AMZ1: variants seen among roughly 807,000 people sequenced by gnomAD.
AMZ1 encodes the protein archaemetzincin-1.
In AMZ1, 39 loss-of-function variants were observed where a neutral mutation model predicts 29.9. The observed-to-expected ratio is 1.30, with a 90% CI of 1.01 to 1.70. The LOEUF (loss-of-function observed/expected upper bound fraction) is 1.70, where lower values mean the gene tolerates loss of function less well. Among genes scored for constraint, AMZ1 ranks in the 40% most tolerant of loss-of-function variants. AMZ1 has a pLI of 0.00. For synonymous variants in AMZ1, 458 were observed against 304.0 expected, an observed-to-expected ratio of 1.51 and a Z score of -5.27; for missense variants, 1,041 against 680.6, an observed-to-expected ratio of 1.53 and a Z score of -5.89.
At chr7:2,757,270 G>A (rs1287839469) in intron 4 of AMZ1, among the ~76,000 whole-genome samples, 2 of 48 alleles carry the variant, frequency 0.042, no homozygotes, top group African/African-American at 0.062. Context: ...CAAGTAGCTG[G>A]GACCGCAGCG....
downstream of AMZ1, among the ~76,000 whole-genome samples, chr7:2,720,108 G>T (rs752094745): frequency 1.4e-4 from 21 of 152,258 alleles, no homozygotes; most frequent in Non-Finnish European, 2.1e-4. Flanking sequence ...GAGCCGACGG[G>T]AACCTACCGA....
At chr7:2,752,661 C>T (rs1263052359) in intron 4 of AMZ1, among the ~76,000 whole-genome samples, 1 of 152,174 alleles carries the variant, frequency 6.6e-6, no homozygotes, top group Non-Finnish European at 1.5e-5. Flanking sequence ...CTGCCAATAA[C>T]CCAATGGAAT....
At chr7:2,704,177 C>T (rs1562367622) in intron 3 of AMZ1, among the ~76,000 whole-genome samples, 1 of 152,200 alleles carries the variant, frequency 6.6e-6, no homozygotes, top group Non-Finnish European at 1.5e-5. Flanking sequence ...GCGTGAGCCA[C>T]TGTGCCTGGC....
intron 4 of AMZ1, among the ~76,000 whole-genome samples, chr7:2,739,074 T>A (rs191961945): frequency 6.6e-6 from 1 of 152,228 alleles, no homozygotes; most frequent in Non-Finnish European, 1.5e-5. Flanking sequence ...CCGCAGGGTG[T>A]GTCCTCGGCG....
At chr7:2,709,002 G>T in intron 4 of AMZ1, 73 bp from the exon 5 acceptor site, 2 of 1,479,738 alleles carry the variant, frequency 1.4e-6, no homozygotes, top group South Asian at 2.7e-5. Flanking sequence ...GAGAGCATGA[G>T]GTGGGTTTGA....
chr7:2,700,317 C>T lies in AMZ1; in HGVS notation c.-135C>T, dbSNP rs868343642. Reference sequence around the variant, plus strand: ...GCCTTAAGGGCCCTTGGACCAGTGTCTGTCTGCAGGGAGCCCCCGGTAGCC... The same window carrying T: ...GCCTTAAGGGCCCTTGGACCAGTGTTTGTCTGCAGGGAGCCCCCGGTAGCC... On this transcript the variant is annotated 5_prime_UTR_variant, in exon 2 of 7. Transcript: ENST00000683327. The T allele has an allele frequency of 4.0e-5, 41 of 1,020,050 alleles. No individual in the cohort carries two copies. The African/African-American group carries it at 4.9e-4, about 12-fold the overall frequency. 63.2% of individuals were successfully genotyped at this position (1,020,050 alleles called of 1,614,324 possible). A position where few individuals can be genotyped will look rare whatever the true frequency, so the allele number is the denominator to read the frequency against.
chr7:2,695,973 G>C (rs1266035160), intron 1 of AMZ1, among the ~76,000 whole-genome samples: 9 of 148,416 alleles, frequency 6.1e-5, no homozygotes, highest in Non-Finnish European at 1.3e-4. Context: ...AGTGCCATTG[G>C]ACTCCAGCCT....
chr7:2,725,266 C>T (rs959029712), intron 4 of AMZ1, among the ~76,000 whole-genome samples: 2 of 152,196 alleles, frequency 1.3e-5, no homozygotes, highest in Non-Finnish European at 2.9e-5. Flanking sequence ...ATGGCCATGG[C>T]CTGCGGTAGG....
chr7:2,756,493 T>C (rs1335373389), intron 4 of AMZ1, among the ~76,000 whole-genome samples: 2 of 152,068 alleles, frequency 1.3e-5, no homozygotes, highest in Non-Finnish European at 2.9e-5. Context: ...CACACGCCTA[T>C]AGTCCCAGCT....
chr7:2,695,014 T>C (rs1787622681), intron 1 of AMZ1, among the ~76,000 whole-genome samples: 1 of 152,170 alleles, frequency 6.6e-6, no homozygotes, highest in African/African-American at 2.4e-5. Flanking sequence ...AACCCGTGCG[T>C]TCACCTGCCC....
intron 4 of AMZ1, among the ~76,000 whole-genome samples, chr7:2,756,315 C>T (rs932791392): frequency 2.0e-5 from 3 of 152,088 alleles, no homozygotes; most frequent in African/African-American, 7.2e-5. Flanking sequence ...TAACTATGTC[C>T]TATATAAATC....
In AMZ1 at chr7:2,734,977, G is replaced by C. The variant is rs565527590; in HGVS notation, n.550+25161G>C. Among the ~76,000 whole-genome samples the C allele has an allele frequency of 4.3e-3, 660 of 152,322 alleles. 5 individuals carry two copies. The highest frequency in any genetic ancestry group is 0.015 in the African/African-American group (628 of 41,582). ...TCTCCCTTCCTCGCCAAGCCCCCGT[G>C]ATGTGGGAAGCCAGCGTGAGGCCGG... is the stretch of plus-strand genomic sequence containing the variant. On this transcript the variant is annotated intron_variant and non_coding_transcript_variant, in intron 4 of 4. Coordinates refer to the AMZ1 transcript ENST00000489665.
At chr7:2,727,611 C>G (rs1275319214) in intron 4 of AMZ1, among the ~76,000 whole-genome samples, 1 of 152,198 alleles carries the variant, frequency 6.6e-6, no homozygotes, top group African/African-American at 2.4e-5. Context: ...AAGCAATTCT[C>G]CCACCTTGGC....
rs933875391 is a variant in AMZ1, at chr7:2,712,736, A to G, written c.1355A>G (p.Gln452Arg). 1 of 1,607,018 alleles carries G rather than the reference A, an allele frequency of 6.2e-7. No homozygotes were observed. Among genetic ancestry groups the G allele is most frequent in the Admixed American group, 1.7e-5 (1 of 59,642 alleles). ...MFTGQLPATR[Q>R]DPPSSRDSVG... ...ACGGGCCAGCTCCCGGCCACCAGGC[A>G]GGACCCACCCAGCAGCAGGGACAGC... Residue 452 changes from glutamine (Q) to arginine (R), a missense_variant, in exon 7 of 7, where the codon CAG becomes CGG. Transcript: ENST00000683327.
intron 4 of AMZ1, among the ~76,000 whole-genome samples, chr7:2,741,882 T>C (rs1790524796): frequency 6.6e-6 from 1 of 150,930 alleles, no homozygotes; most frequent in Admixed American, 6.6e-5. Flanking sequence ...TACCACGTAT[T>C]AGACACCGAG....
In AMZ1 at chr7:2,712,940, T is replaced by C. The variant is rs1418609888; in HGVS notation, c.*62T>C. The C allele has an allele frequency of 9.6e-6, 14 of 1,459,594 alleles. No individual in the cohort carries two copies. Among genetic ancestry groups the C allele is most frequent in the Non-Finnish European group, 1.3e-5 (14 of 1,101,778 alleles). 90.4% of individuals were successfully genotyped at this position (1,459,594 alleles called of 1,614,324 possible). ...ATGCTGGCCAGCACTGTCCAGTAGC[T>C]GAGGCCACTACTGACCTGCCAGGGA... On this transcript the variant is annotated 3_prime_UTR_variant, in exon 7 of 7. Coordinates refer to ENST00000683327, the MANE Select transcript of AMZ1 (RefSeq NM_001384743.1).
chr7:2,750,251 A>G (rs913799876), intron 4 of AMZ1, among the ~76,000 whole-genome samples: 1 of 152,240 alleles, frequency 6.6e-6, no homozygotes, highest in African/African-American at 2.4e-5. Context: ...GACCCATCAG[A>G]GAGCTGAGAT....
intron 1 of AMZ1, among the ~76,000 whole-genome samples, chr7:2,688,565 C>T (rs1562354640): frequency 6.6e-6 from 1 of 152,214 alleles, no homozygotes; most frequent in Non-Finnish European, 1.5e-5. Context: ...GCCACGCGCC[C>T]CCTCCCCGCC....
chr7:2,746,378 T>C (rs1158297684), intron 4 of AMZ1, among the ~76,000 whole-genome samples: 1 of 151,812 alleles, frequency 6.6e-6, no homozygotes, highest in African/African-American at 2.4e-5. Context: ...TCAAAACCGC[T>C]CAACTACATG....
Sources: allele counts gnomAD v4.1 joint callset (sites outside exome capture counted in the v4.1 genomes callset), GRCh38; gene constraint gnomAD v4.1.1; transcripts MANE v1.5; gene names NCBI Gene and HGNC (gene_info 2026-07-23, HGNC 2026-07-21).